The following KSR2 variants were observed in gnomAD, a reference collection of about 807,000 sequenced individuals.
KSR2 encodes the protein kinase suppressor of ras 2.
Under a neutral mutation model 107.8 loss-of-function variants are expected in KSR2, and 25 were observed. The ratio of observed to expected loss-of-function variants is 0.23; its 90% CI spans 0.17 to 0.32. The LOEUF (loss-of-function observed/expected upper bound fraction) is 0.32. Among genes scored for constraint, KSR2 ranks in the 10% least tolerant of loss-of-function variants. The pLI is 1.00. For missense variants in KSR2, 887 were observed against 1,268.9 expected, an observed-to-expected ratio of 0.70 and a Z score of 4.57; for synonymous variants, 480 against 507.0, an observed-to-expected ratio of 0.95 and a Z score of 0.71.
chr12:117,583,780 T>C (rs1405832947), intron 5 of KSR2, among the ~76,000 whole-genome samples: 1 of 152,112 alleles, frequency 6.6e-6, no homozygotes, highest in African/African-American at 2.4e-5. Flanking sequence ...TCGTCCTGCT[T>C]GTGGAATCTC....
chr12:117,793,747 C>G (rs1317642077), intron 3 of KSR2, among the ~76,000 whole-genome samples: 1 of 146,686 alleles, frequency 6.8e-6, no homozygotes, highest in Non-Finnish European at 1.5e-5. Flanking sequence ...ATACCATGCA[C>G]ATATACACCA....
intron 5 of KSR2, among the ~76,000 whole-genome samples, chr12:117,583,719 T>C (rs912583365): frequency 6.6e-6 from 1 of 152,060 alleles, no homozygotes; most frequent in African/African-American, 2.4e-5. Context: ...ACCATCCTCC[T>C]GGCAGAGCTT....
chr12:117,883,741 T>G (rs1395459816), intron 1 of KSR2, among the ~76,000 whole-genome samples: 1 of 152,012 alleles, frequency 6.6e-6, no homozygotes, highest in Admixed American at 6.6e-5. Context: ...CTGGATGTGG[T>G]GGCAGGCATC....
At chr12:117,664,967 G>A (rs1213266309) in intron 5 of KSR2, among the ~76,000 whole-genome samples, 1 of 152,042 alleles carries the variant, frequency 6.6e-6, no homozygotes, top group East Asian at 1.9e-4. Context: ...TTTCCCAAAC[G>A]AACCTGCCTG....
chr12:117,497,385 A>AGGGG (rs1028633168), intron 14 of KSR2, among the ~76,000 whole-genome samples: 1 of 152,204 alleles, frequency 6.6e-6, no homozygotes, highest in African/African-American at 2.4e-5. Flanking sequence ...GAGAGGCAGC[A>AGGGG]GGGGCCCCCT....
chr12:117,867,421 A>G (rs764401559), intron 1 of KSR2, among the ~76,000 whole-genome samples: 40 of 152,182 alleles, frequency 2.6e-4, no homozygotes, highest in Non-Finnish European at 4.7e-4. Context: ...GAGGAAGGCT[A>G]TAAAAATGAC....
chr12:117,596,052 T>TCCCTCCCCTCCCCTC (rs938469050), intron 5 of KSR2, among the ~76,000 whole-genome samples: 2 of 147,670 alleles, frequency 1.4e-5, no homozygotes, highest in Non-Finnish European at 3.0e-5. Context: ...CTTTTTCCCT[T>TCCCTCCCCTCCCCTC]CCCTCCCCTC....
intron 5 of KSR2, among the ~76,000 whole-genome samples, chr12:117,588,934 T>C (rs770933150): frequency 5.9e-5 from 9 of 152,214 alleles, no homozygotes; most frequent in Non-Finnish European, 1.0e-4. Flanking sequence ...ATATTTACCG[T>C]ATGTATCTTG....
intron 9 of KSR2, among the ~76,000 whole-genome samples, chr12:117,544,962 G>A (rs1391431114): frequency 6.6e-6 from 1 of 152,088 alleles, no homozygotes; most frequent in Non-Finnish European, 1.5e-5. Flanking sequence ...GTTAGCTGTA[G>A]TATTATTTTA....
intron 3 of KSR2, among the ~76,000 whole-genome samples, chr12:117,765,204 G>A (rs568772819): frequency 8.5e-5 from 13 of 152,338 alleles, no homozygotes; most frequent in African/African-American, 2.9e-4. Flanking sequence ...GGGAATACAA[G>A]CTCGTTGTCA....
chr12:117,819,775 C>G (rs1414438142), intron 3 of KSR2, among the ~76,000 whole-genome samples: 1 of 151,946 alleles, frequency 6.6e-6, no homozygotes, highest in Non-Finnish European at 1.5e-5. Flanking sequence ...TGCAAATTCC[C>G]CCTGTTCACA....
intron 16 of KSR2, among the ~76,000 whole-genome samples, chr12:117,482,169 G>A (rs1227465464): frequency 1.3e-5 from 2 of 151,966 alleles, no homozygotes; most frequent in African/African-American, 4.8e-5. Context: ...TAGTCAAGCA[G>A]AGAGGCTGCA....
chr12:117,741,980 T>A (rs1888235659), intron 4 of KSR2, among the ~76,000 whole-genome samples: 1 of 152,230 alleles, frequency 6.6e-6, no homozygotes, highest in Non-Finnish European at 1.5e-5. Context: ...AGTGAAGAGA[T>A]GTGGCAGACA....
intron 9 of KSR2, among the ~76,000 whole-genome samples, chr12:117,552,784 A>AT (rs1460366852): frequency 5.4e-4 from 82 of 152,334 alleles, no homozygotes; most frequent in African/African-American, 1.7e-3. Context: ...CCACAGAAAT[A>AT]TGGGTATGGC....
At chr12:117,487,810 C>T (rs1872546045) in intron 14 of KSR2, among the ~76,000 whole-genome samples, 1 of 152,172 alleles carries the variant, frequency 6.6e-6, no homozygotes, top group Admixed American at 6.5e-5. Context: ...CCTTCAGCAG[C>T]TGCTGAAGTC....
rs576301978 is a variant in KSR2, at chr12:117,586,930, G to C, written c.1172-4571C>G. On this transcript the variant is annotated intron_variant, in intron 5 of 19. Coordinates refer to ENST00000339824, the MANE Select transcript of KSR2 (RefSeq NM_173598.6). The stretch of plus-strand genomic sequence containing the variant: ...AAGTGAATTTCATCTCCCTTTCACA[G>C]ATGGGAATATTGAGGCTTAGAAGCA... 9.8e-5 allele frequency among the ~76,000 whole-genome samples: 15 copies of C among 152,338 alleles called. No individual in the cohort carries two copies. The South Asian group carries it at 2.5e-3, about 25-fold the overall frequency.
intron 4 of KSR2, among the ~76,000 whole-genome samples, chr12:117,726,974 C>T (rs541808319): frequency 1.6e-3 from 241 of 152,212 alleles, no homozygotes; most frequent in African/African-American, 5.6e-3. Flanking sequence ...GTCTTAACCC[C>T]CAGTAACTGT....
intron 5 of KSR2, among the ~76,000 whole-genome samples, chr12:117,602,806 A>T (rs1442324590): frequency 6.6e-6 from 1 of 152,148 alleles, no homozygotes; most frequent in African/African-American, 2.4e-5. Flanking sequence ...AACCTCCCTT[A>T]TTTGGAACCC....
At chr12:117,470,244 C>A (rs374658147) in intron 18 of KSR2, among the ~76,000 whole-genome samples, 4 of 148,362 alleles carry the variant, frequency 2.7e-5, no homozygotes, top group African/African-American at 1.0e-4. Flanking sequence ...TGTATCTACA[C>A]ATCTACCCAT....
Sources: gnomAD v4.1 joint callset for allele counts (sites outside exome capture counted in the v4.1 genomes callset) on GRCh38, gnomAD v4.1.1 for gene constraint, MANE v1.5 for transcripts, NCBI Gene and HGNC (gene_info 2026-07-23, HGNC 2026-07-21) for gene names.